Variants in PCDH15 observed in about 807,000 individuals in gnomAD.
The protein encoded by PCDH15 is protocadherin related 15, also known as protocadherin-15.
In PCDH15, 129 loss-of-function variants were observed where a neutral mutation model predicts 178.5. The observed-to-expected ratio is 0.72, with a 90% CI of 0.63 to 0.84. The LOEUF (loss-of-function observed/expected upper bound fraction) is 0.84. Among genes scored for constraint, PCDH15 ranks in the 40% least tolerant of loss-of-function variants. The probability of loss-of-function intolerance (pLI) is 0.00; values close to 1 mark genes in which losing one functional copy is unlikely to be tolerated. For synonymous variants in PCDH15, 800 were observed against 732.0 expected (o/e 1.09, Z -1.50); for missense variants, 2,230 against 2,099.9 (o/e 1.06, Z -1.21).
At chr10:54,424,739 C>G (rs1264634088) in intron 3 of PCDH15, among the ~76,000 whole-genome samples, 1 of 151,644 alleles carries the variant, frequency 6.6e-6, no homozygotes, top group Non-Finnish European at 1.5e-5. Flanking sequence ...AACCATCATT[C>G]TGAGCAAACT....
chr10:54,079,385 T>C lies in PCDH15; in HGVS notation c.2037A>G (p.Glu679=). The C allele has an allele frequency of 6.2e-7, 1 of 1,614,060 alleles. No homozygotes were observed. The highest frequency in any genetic ancestry group is 1.7e-5 in the Admixed American group (1 of 60,002). Residue 679 remains glutamate, a synonymous_variant, in exon 17 of 38, where the codon GAA becomes GAG. Coordinates refer to ENST00000644397, the MANE Select transcript of PCDH15 (RefSeq NM_001384140.1). ...TGATCAGAATGTAGCGATCAGTGCT[T>C]TCCCTGTCCAGTGCTTTCCCTAAGG... ...ILTLGKALDR[E]STDRYILIIT... is the part of the protein sequence containing the mutation.
intron 18 of PCDH15, among the ~76,000 whole-genome samples, chr10:54,039,239 G>A (rs1335083237): frequency 6.6e-6 from 1 of 151,938 alleles, no homozygotes; most frequent in African/African-American, 2.4e-5. Context: ...TTTTTGTGCA[G>A]GTAGGGGATG....
intron 2 of PCDH15, among the ~76,000 whole-genome samples, chr10:55,163,655 T>C (rs892079793): frequency 6.6e-6 from 1 of 152,048 alleles, no homozygotes; most frequent in Non-Finnish European, 1.5e-5. Context: ...ACCAAGATGG[T>C]GAAGAAAGTC....
intron 2 of PCDH15, among the ~76,000 whole-genome samples, chr10:55,607,992 T>C (rs1167085111): frequency 1.3e-5 from 2 of 151,962 alleles, no homozygotes; most frequent in African/African-American, 4.8e-5. Context: ...ATTTGAGTCA[T>C]TTATAAAAAT....
intron 15 of PCDH15, among the ~76,000 whole-genome samples, chr10:54,113,293 C>G (rs1052273435): frequency 1.3e-5 from 2 of 151,966 alleles, no homozygotes; most frequent in East Asian, 3.9e-4. Context: ...ACTATATTAC[C>G]GAAGATGTTT....
intron 2 of PCDH15, among the ~76,000 whole-genome samples, chr10:55,489,211 A>G (rs1235004469): frequency 6.6e-6 from 1 of 151,546 alleles, no homozygotes; most frequent in African/African-American, 2.4e-5. Context: ...TTAAAAGTCA[A>G]TGCATTACCT....
chr10:53,970,640 A>G (rs150008964), intron 21 of PCDH15, among the ~76,000 whole-genome samples: 4,832 of 152,272 alleles, frequency 0.032, 129 homozygotes, highest in East Asian at 0.13. Flanking sequence ...ACAAACTACC[A>G]TCAGAGAATA....
intron 17 of PCDH15, among the ~76,000 whole-genome samples, chr10:54,068,556 A>G (rs2094180360): frequency 1.3e-5 from 2 of 152,188 alleles, no homozygotes; most frequent in African/African-American, 4.8e-5. Flanking sequence ...GCTATAAGTA[A>G]TAACATGGAT....
intron 3 of PCDH15, among the ~76,000 whole-genome samples, chr10:54,526,839 A>G (rs1344085775): frequency 1.3e-5 from 2 of 152,188 alleles, no homozygotes; most frequent in African/African-American, 4.8e-5. Flanking sequence ...GTAATGCAGC[A>G]AAATCAATCA....
chr10:53,967,868 C>T (rs1286811255), intron 21 of PCDH15, among the ~76,000 whole-genome samples: 1 of 152,160 alleles, frequency 6.6e-6, no homozygotes, highest in African/African-American at 2.4e-5. Flanking sequence ...TAAAAGCTAT[C>T]TATTTACAAG....
intron 1 of PCDH15, among the ~76,000 whole-genome samples, chr10:54,693,675 C>A (rs2095169493): frequency 6.6e-6 from 1 of 152,178 alleles, no homozygotes; most frequent in African/African-American, 2.4e-5. Context: ...AGAAGAAATG[C>A]TTTCAGATGA....
chr10:55,363,611 C>G (rs561880362), intron 2 of PCDH15, among the ~76,000 whole-genome samples: 14 of 151,986 alleles, frequency 9.2e-5, no homozygotes, highest in Non-Finnish European at 1.5e-4. Flanking sequence ...TTATTTGATA[C>G]GTTTCGGCTT....
intron 2 of PCDH15, among the ~76,000 whole-genome samples, chr10:55,627,452 G>C (rs1348171319): frequency 6.6e-6 from 1 of 152,104 alleles, no homozygotes; most frequent in South Asian, 2.1e-4. Context: ...GATGAGCTTT[G>C]AAAGGTACTT....
At chr10:54,420,945 T>C (rs1205432757) in intron 3 of PCDH15, among the ~76,000 whole-genome samples, 3 of 152,130 alleles carry the variant, frequency 2.0e-5, no homozygotes, top group Non-Finnish European at 4.4e-5. Flanking sequence ...ATGTGATCAT[T>C]GGTAGAGATA....
At chr10:54,367,244 T>C (rs185936705) in intron 5 of PCDH15, among the ~76,000 whole-genome samples, 16 of 152,158 alleles carry the variant, frequency 1.1e-4, no homozygotes, top group Admixed American at 2.0e-4. Context: ...CATTGACAAA[T>C]GGTCAGATTA....
intron 3 of PCDH15, among the ~76,000 whole-genome samples, chr10:54,878,364 A>T (rs1367265433): frequency 6.6e-6 from 1 of 152,152 alleles, no homozygotes; most frequent in Non-Finnish European, 1.5e-5. Flanking sequence ...TCATGTGTAC[A>T]TAGTACTTTT....
At chr10:53,873,480 G>A (rs1159669068) in intron 26 of PCDH15, among the ~76,000 whole-genome samples, 1 of 151,982 alleles carries the variant, frequency 6.6e-6, no homozygotes, top group Non-Finnish European at 1.5e-5. Flanking sequence ...TATTTTATAG[G>A]CCAAGAAATG....
At chr10:55,105,966 G>A (rs937733431) in intron 2 of PCDH15, among the ~76,000 whole-genome samples, 70 of 151,656 alleles carry the variant, frequency 4.6e-4, no homozygotes, top group Non-Finnish European at 2.1e-4. Flanking sequence ...TCTTTTAGGT[G>A]CAGGATTCCA....
intron 2 of PCDH15, among the ~76,000 whole-genome samples, chr10:54,589,679 C>T (rs1744014053): frequency 6.6e-6 from 1 of 152,100 alleles, no homozygotes; most frequent in Non-Finnish European, 1.5e-5. Context: ...TTTTCTGAGA[C>T]AGAGTCTTGC....
Sources: allele counts gnomAD v4.1 joint callset (sites outside exome capture counted in the v4.1 genomes callset), GRCh38; gene constraint gnomAD v4.1.1; transcripts MANE v1.5; gene names NCBI Gene and HGNC (gene_info 2026-07-23, HGNC 2026-07-21).